The following RYR3 variants were observed in gnomAD, a reference collection of about 807,000 sequenced individuals.
RYR3 encodes the protein brain ryanodine receptor-calcium release channel.
A neutral mutation model predicts 584.3 loss-of-function variants in RYR3; 207 were observed. The observed-to-expected ratio is 0.35, with a 90% CI of 0.32 to 0.40. The LOEUF is 0.40. RYR3 is among the 10% of genes least tolerant of loss of function. RYR3 has a pLI of 1.00. For synonymous variants in RYR3, 2,416 were observed against 2,248.5 expected, an observed-to-expected ratio of 1.07 and a Z score of -2.11; for missense variants, 5,616 against 6,089.2, an observed-to-expected ratio of 0.92 and a Z score of 2.59.
At chr15:33,700,647 T>TTCCA (rs2066231917) in intron 41 of RYR3, among the ~76,000 whole-genome samples, 1 of 152,150 alleles carries the variant, frequency 6.6e-6, no homozygotes, top group Non-Finnish European at 1.5e-5. Context: ...AATATACAGG[T>TTCCA]TCCACTGGGC....
chr15:33,501,063 C>A (rs1183140749), intron 2 of RYR3, among the ~76,000 whole-genome samples: 1 of 152,062 alleles, frequency 6.6e-6, no homozygotes, highest in African/African-American at 2.4e-5. Flanking sequence ...AACTAAGCTG[C>A]CAGGAAACTC....
At chr15:33,513,072 A>C (rs2053180726) in intron 3 of RYR3, among the ~76,000 whole-genome samples, 1 of 152,234 alleles carries the variant, frequency 6.6e-6, no homozygotes, top group Non-Finnish European at 1.5e-5. Flanking sequence ...GAAATCTTTT[A>C]AGAAACCTGC....
chr15:33,719,430 A>G (rs115391223), intron 43 of RYR3, among the ~76,000 whole-genome samples: 1 of 152,242 alleles, frequency 6.6e-6, no homozygotes, highest in Non-Finnish European at 1.5e-5. Flanking sequence ...GTTGAATTCA[A>G]CATGCTGGTA....
intron 1 of RYR3, among the ~76,000 whole-genome samples, chr15:33,335,975 C>T (rs1970916705): frequency 6.6e-6 from 1 of 151,958 alleles, no homozygotes; most frequent in African/African-American, 2.4e-5. Flanking sequence ...ATGATAAAGA[C>T]AAGAACAGCA....
chr15:33,342,327 A>G (rs1595781657), intron 1 of RYR3, among the ~76,000 whole-genome samples: 1 of 152,344 alleles, frequency 6.6e-6, no homozygotes, highest in Middle Eastern at 3.4e-3. Context: ...AAAATACAAG[A>G]TGACAGAAGT....
At chr15:33,584,195 C>G (rs2058729166) in intron 14 of RYR3, among the ~76,000 whole-genome samples, 200 bp from the exon 15 acceptor site, 1 of 152,026 alleles carries the variant, frequency 6.6e-6, no homozygotes, top group Admixed American at 6.6e-5. Context: ...CCACTACACT[C>G]CAGCCTGGGT....
chr15:33,404,802 A>G (rs2676041), intron 1 of RYR3, among the ~76,000 whole-genome samples: 96,278 of 152,082 alleles, frequency 0.63, 30,801 homozygotes, highest in African/African-American at 0.72. Context: ...CAGACAGAAT[A>G]TATTCCTTTC....
chr15:33,448,976 C>T (rs951757319), intron 1 of RYR3, among the ~76,000 whole-genome samples: 6 of 152,144 alleles, frequency 3.9e-5, no homozygotes, highest in Non-Finnish European at 5.9e-5. Context: ...GTATTTGTGA[C>T]GCAAGGGCCT....
At chr15:33,616,496 C>A (rs914818603) in intron 19 of RYR3, among the ~76,000 whole-genome samples, 2 of 152,138 alleles carry the variant, frequency 1.3e-5, no homozygotes, top group Admixed American at 6.5e-5. Context: ...GTCAGCAGAT[C>A]ATGCAGCCTT....
chr15:33,701,062 G>A lies in RYR3; in HGVS notation c.6465G>A (p.Glu2155=), dbSNP rs1405998817. 1 of 1,612,620 alleles carries A rather than the reference G, an allele frequency of 6.2e-7. No homozygotes were observed. ...ACAATGAGTTAGCGCTGAGCTTAGA[G>A]GAACCAGACCTCGAGAAGGTAACCG... ...MDNNELALSL[E]EPDLEKVVTY... Residue 2155 remains glutamate, a synonymous_variant, in exon 42 of 104, where the codon GAG becomes GAA. Transcript: ENST00000634891.
intron 21 of RYR3, 101 bp from the exon 22 acceptor site, chr15:33,629,839 G>T: frequency 1.6e-6 from 1 of 623,466 alleles, no homozygotes; most frequent in Non-Finnish European, 2.8e-6. Context: ...GCCTGATATG[G>T]ATTGCCTGGG....
chr15:33,479,521 T>C (rs548399035), intron 2 of RYR3, among the ~76,000 whole-genome samples: 7 of 150,714 alleles, frequency 4.6e-5, no homozygotes, highest in Non-Finnish European at 8.8e-5. Flanking sequence ...TCAGGCATCA[T>C]GCGCTATGTC....
intron 1 of RYR3, among the ~76,000 whole-genome samples, chr15:33,398,639 C>T (rs1192565154): frequency 1.3e-5 from 2 of 152,194 alleles, no homozygotes; most frequent in Non-Finnish European, 2.9e-5. Context: ...TTCCCACTCT[C>T]TTCTCTCCCA....
chr15:33,628,182 T>C (rs891585653), intron 20 of RYR3, among the ~76,000 whole-genome samples: 1 of 152,072 alleles, frequency 6.6e-6, no homozygotes, highest in African/African-American at 2.4e-5. Context: ...TGAGAGAACA[T>C]GTAGAGAGGA....
intron 1 of RYR3, among the ~76,000 whole-genome samples, chr15:33,346,679 G>GA (rs1009391408): frequency 6.6e-6 from 1 of 152,056 alleles, no homozygotes; most frequent in Non-Finnish European, 1.5e-5. Flanking sequence ...CTTGATATCA[G>GA]AAAAAATGGT....
chr15:33,652,905 G>T (rs772034753), intron 32 of RYR3, 22 bp downstream of exon 32: 1 of 1,594,934 alleles, frequency 6.3e-7, no homozygotes, highest in Non-Finnish European at 8.5e-7. Flanking sequence ...TTCTGGGGCC[G>T]AAACAGGGCT....
rs201633649 is a variant in RYR3 at position 33,858,023 on chromosome 15, T to G, written c.14142+109T>G. ...GGGGGTGCTCTTGAGAACTGTAGAG[T>G]TAGTTACAGAGCACAGCAGAGATTA... On this transcript the variant is annotated intron_variant, in intron 99 of 103. Coordinates refer to ENST00000634891, the MANE Select transcript of RYR3 (RefSeq NM_001036.6). The G allele has an allele frequency of 4.1e-4, 574 of 1,392,364 alleles. 3 individuals are homozygous for G. In the African/African-American group the frequency reaches 7.8e-3, roughly 19 times the overall value. The allele number at this position is 1,392,364 out of a possible 1,614,324, so 86.3% of individuals were successfully genotyped here.
intron 28 of RYR3, 159 bp from the exon 29 acceptor site, chr15:33,646,192 C>A: frequency 1.7e-6 from 1 of 602,802 alleles, no homozygotes; most frequent in Non-Finnish European, 2.9e-6. Flanking sequence ...GGGACAAGGC[C>A]CAAGTAATGA....
intron 3 of RYR3, among the ~76,000 whole-genome samples, chr15:33,518,557 G>A (rs2053715603): frequency 6.6e-6 from 1 of 152,168 alleles, no homozygotes; most frequent in Non-Finnish European, 1.5e-5. Context: ...CTCAAGGGAA[G>A]TCAGGTTTTA....
Sources: gnomAD v4.1 joint callset for allele counts (sites outside exome capture counted in the v4.1 genomes callset) on GRCh38, gnomAD v4.1.1 for gene constraint, MANE v1.5 for transcripts, NCBI Gene and HGNC (gene_info 2026-07-23, HGNC 2026-07-21) for gene names.